The following KIT variants were observed in gnomAD, a reference collection of about 807,000 sequenced individuals.
The protein encoded by KIT is mast/stem cell growth factor receptor Kit.
KIT carries 16 observed loss-of-function variants against 105.7 expected under a neutral mutation model. The ratio of observed to expected loss-of-function variants is 0.15; its 90% CI spans 0.10 to 0.23. The LOEUF (loss-of-function observed/expected upper bound fraction) is 0.23, where lower values mean the gene tolerates loss of function less well. KIT is among the 10% of genes least tolerant of loss of function. KIT has a pLI of 1.00. For missense variants in KIT, 858 were observed against 1,213.8 expected (o/e 0.71, Z 4.36); for synonymous variants, 438 against 441.1 (o/e 0.99, Z 0.09).
intron 14 of KIT, among the ~76,000 whole-genome samples, chr4:54,729,989 C>T (rs1376542330): frequency 6.6e-6 from 1 of 152,128 alleles, no homozygotes; most frequent in Non-Finnish European, 1.5e-5. Flanking sequence ...TTGCCTCTTG[C>T]CCTTTTTATT....
chr4:54,704,089 G>A (rs1274421442), intron 5 of KIT, among the ~76,000 whole-genome samples, 197 bp downstream of exon 5: 2 of 152,314 alleles, frequency 1.3e-5, no homozygotes, highest in Non-Finnish European at 2.9e-5. Flanking sequence ...GGAGGAAAGT[G>A]GAAAGCTGTT....
chr4:54,679,701 C>A (rs891266522), intron 1 of KIT, among the ~76,000 whole-genome samples: 5 of 151,982 alleles, frequency 3.3e-5, no homozygotes, highest in Non-Finnish European at 5.9e-5. Flanking sequence ...GAAAATCAGG[C>A]CTTTATAAAA....
intron 1 of KIT, among the ~76,000 whole-genome samples, chr4:54,659,924 C>A (rs575522423): frequency 1.3e-5 from 2 of 152,126 alleles, no homozygotes; most frequent in Non-Finnish European, 2.9e-5. Context: ...GCTCTGTCCC[C>A]TGGGTTCTCG....
rs768320570 is a variant in KIT at position 54,738,550 on chromosome 4, A to G, written c.2924A>G (p.Asp975Gly). The G allele has an allele frequency of 6.2e-7, 1 of 1,613,944 alleles. No homozygotes were observed. Among genetic ancestry groups the G allele is most frequent in the Admixed American group, 1.7e-5 (1 of 60,014 alleles). ...TCCCAGCCTCTGCTTGTGCACGACG[A>G]TGTCTGAGCAGAATCAGTGTTTGGG... ...SSSQPLLVHD[D>G]V The change falls in exon 21 of 21, where the codon GAT becomes GGT. Residue 975 changes from aspartate to glycine, a missense_variant. Physicochemically the swap from Asp to Gly is moderately conservative, Grantham distance 94 (BLOSUM62 -1). Transcript: ENST00000288135.
intron 9 of KIT, 97 bp from the exon 10 acceptor site, chr4:54,727,121 T>C: frequency 1.1e-6 from 1 of 947,588 alleles, no homozygotes; most frequent in East Asian, 2.4e-5. Context: ...TGCCATGGGC[T>C]GTGAGTTGGG....
Position 54,727,375 on chromosome 4 carries a change from A to T in KIT, c.1648-41A>T, listed in dbSNP as rs767663795. 1.1e-5 allele frequency: 17 copies of T among 1,613,796 alleles called. No individual in the cohort carries two copies. The South Asian group carries it at 1.6e-4, about 16-fold the overall frequency. On this transcript the variant is annotated intron_variant, in intron 10 of 20. Transcript: ENST00000288135. ...AGAGTGCTCTAATGACTGAGACAAT[A>T]ATTATTAAAAGGTGATCTATTTTTC...
At chr4:54,702,965 A>G (rs973549887) in intron 4 of KIT, among the ~76,000 whole-genome samples, 1 of 152,172 alleles carries the variant, frequency 6.6e-6, no homozygotes, top group Non-Finnish European at 1.5e-5. Flanking sequence ...AGATGCAGAA[A>G]GCTATATTAG....
intron 4 of KIT, among the ~76,000 whole-genome samples, chr4:54,702,855 C>T (rs922129518): frequency 1.3e-5 from 2 of 152,128 alleles, no homozygotes; most frequent in African/African-American, 4.8e-5. Flanking sequence ...AAGGAATCAC[C>T]CTTGATCTCA....
chr4:54,726,938 A>C (rs1220295898), intron 9 of KIT, among the ~76,000 whole-genome samples: 1 of 152,220 alleles, frequency 6.6e-6, no homozygotes, highest in African/African-American at 2.4e-5. Flanking sequence ...TATAAAGTGC[A>C]TTCAGATGTT....
intron 2 of KIT, among the ~76,000 whole-genome samples, chr4:54,696,244 TC>T (rs1391227941): frequency 6.6e-6 from 1 of 152,196 alleles, no homozygotes; most frequent in Admixed American, 6.5e-5. Context: ...CAGCTAAACA[TC>T]CCATGTCTGT....
rs369450271 is a variant in KIT at position 54,737,289 on chromosome 4, A to G, written c.2802+9A>G. On this transcript the variant is annotated intron_variant, in intron 20 of 20. Transcript: ENST00000288135. The stretch of plus-strand genomic sequence containing the variant: ...CAGAGAGCACCAATCATGTGAGTAT[A>G]CCCTGGCCAGGCATAGAATCCCCCT... 6.9e-5 allele frequency: 109 copies of G among 1,570,446 alleles called. No homozygotes were observed. The highest frequency in any genetic ancestry group is 2.7e-4 in the South Asian group (24 of 90,196).
At chr4:54,678,350 T>TTCCTTCCTTCCTTCCC (rs1491521449) in intron 1 of KIT, among the ~76,000 whole-genome samples, 1 of 58,924 alleles carries the variant, frequency 1.7e-5, no homozygotes, top group African/African-American at 1.2e-4. Flanking sequence ...CCTTCCTTCC[T>TTCCTTCCTTCCTTCCC]TCCCTCCCTC....
chr4:54,740,517 T>G lies in KIT; in HGVS notation c.*1960T>G. ...GTGGCTTTTTTTGTAAATATTGAAATGTAGCAATAATGTCTTTTGAATATT... is the reference window on the plus strand; with the variant it reads ...GTGGCTTTTTTTGTAAATATTGAAAGGTAGCAATAATGTCTTTTGAATATT... On this transcript the variant is annotated 3_prime_UTR_variant, in exon 21 of 21. Coordinates refer to ENST00000288135, the MANE Select transcript of KIT (RefSeq NM_000222.3). 1 of 233,204 alleles carries G rather than the reference T, an allele frequency of 4.3e-6. No homozygotes were observed. The highest frequency in any genetic ancestry group is 8.5e-6 in the Non-Finnish European group (1 of 117,776). 14.4% of individuals were successfully genotyped at this position (233,204 alleles called of 1,614,324 possible). A position where few individuals can be genotyped will look rare whatever the true frequency, so the allele number is the denominator to read the frequency against.
At chr4:54,728,704 T>G (rs1053937374) in intron 13 of KIT, among the ~76,000 whole-genome samples, 3 of 152,252 alleles carry the variant, frequency 2.0e-5, no homozygotes, top group Non-Finnish European at 2.9e-5. Flanking sequence ...ATATCATGTC[T>G]TCCAATAATC....
chr4:54,696,628 T>C (rs1720086905), intron 2 of KIT, among the ~76,000 whole-genome samples: 1 of 152,254 alleles, frequency 6.6e-6, no homozygotes, highest in Admixed American at 6.5e-5. Context: ...AGGTACCTCC[T>C]GAGTTCAGTT....
At chr4:54,690,662 T>TA (rs1719647905) in intron 1 of KIT, among the ~76,000 whole-genome samples, 1 of 152,238 alleles carries the variant, frequency 6.6e-6, no homozygotes, top group Admixed American at 6.5e-5. Context: ...AGTCCTGGTG[T>TA]AAATAAAACA....
intron 4 of KIT, among the ~76,000 whole-genome samples, chr4:54,700,244 G>T (rs964243899): frequency 6.6e-6 from 1 of 152,124 alleles, no homozygotes; most frequent in African/African-American, 2.4e-5. Flanking sequence ...TTGAAGATGG[G>T]TTTCTTTTTG....
At chr4:54,691,450 G>A (rs1371158317) in intron 1 of KIT, among the ~76,000 whole-genome samples, 3 of 151,942 alleles carry the variant, frequency 2.0e-5, no homozygotes, top group East Asian at 1.9e-4. Flanking sequence ...TGTCTTCAGC[G>A]GGGCTTTACA....
chr4:54,702,012 G>A (rs1720485876), intron 4 of KIT, among the ~76,000 whole-genome samples: 1 of 152,122 alleles, frequency 6.6e-6, no homozygotes, highest in South Asian at 2.1e-4. Flanking sequence ...GAAACTAAAA[G>A]TTAAGACTAG....
Sources: allele counts gnomAD v4.1 joint callset (sites outside exome capture counted in the v4.1 genomes callset), GRCh38; gene constraint gnomAD v4.1.1; transcripts MANE v1.5; gene names NCBI Gene and HGNC (gene_info 2026-07-23, HGNC 2026-07-21).